BACH1: variants seen among roughly 807,000 people sequenced by gnomAD.
BACH1 encodes the protein transcription regulator protein BACH1.
In BACH1, 35 loss-of-function variants were observed where a neutral mutation model predicts 52.9. That is an observed-to-expected ratio of 0.66 (90% CI 0.51 to 0.88). BACH1 has a LOEUF of 0.88. Among genes scored for constraint, BACH1 ranks in the 40% least tolerant of loss-of-function variants. The pLI, the probability that BACH1 is intolerant of heterozygous loss-of-function variation, is 0.00. For synonymous variants in BACH1, 321 were observed against 319.6 expected, an observed-to-expected ratio of 1.00 and a Z score of -0.05; for missense variants, 808 against 872.6, an observed-to-expected ratio of 0.93 and a Z score of 0.93.
chr21:29,310,942 A>G (rs774336453), intron 1 of BACH1, among the ~76,000 whole-genome samples: 4 of 152,234 alleles, frequency 2.6e-5, no homozygotes, highest in South Asian at 4.1e-4. Flanking sequence ...AGGAGGGTCA[A>G]TAAATTTTAA....
intron 3 of BACH1, among the ~76,000 whole-genome samples, chr21:29,328,441 T>C (rs1207600172): frequency 2.0e-5 from 3 of 152,090 alleles, no homozygotes; most frequent in Non-Finnish European, 2.9e-5. Context: ...TTTTTGCCTT[T>C]CAATAGTTGG....
chr21:29,327,244 A>C lies in BACH1; in HGVS notation c.1420A>C (p.Ser474Arg). The C allele has an allele frequency of 1.2e-6, 2 of 1,614,238 alleles. No homozygotes were observed. Among genetic ancestry groups the C allele is most frequent in the South Asian group, 1.1e-5 (1 of 91,088 alleles). Reference protein sequence around the residue: ...ISTLSTEGCSSNLEIGNDDYV... With the variant: ...ISTLSTEGCSRNLEIGNDDYV... ...TACTCTGAGTACTGAAGGCTGTTCA[A>C]GCAATTTGGAAATTGGAAACGATGA... The change falls in exon 3 of 5, where the codon AGC becomes CGC. Residue 474 changes from serine (S) to arginine (R), a missense_variant. Coordinates refer to ENST00000286800, the MANE Select transcript of BACH1 (RefSeq NM_001186.4).
intron 1 of BACH1, among the ~76,000 whole-genome samples, chr21:29,307,482 A>C (rs1293957797): frequency 6.6e-6 from 1 of 152,090 alleles, no homozygotes; most frequent in African/African-American, 2.4e-5. Flanking sequence ...TAGGATCCCC[A>C]CCCACTGTTT....
chr21:29,336,821 A>G (rs1448563328), intron 4 of BACH1, among the ~76,000 whole-genome samples: 1 of 151,882 alleles, frequency 6.6e-6, no homozygotes, highest in Non-Finnish European at 1.5e-5. Context: ...ACAGGTGCCC[A>G]CCACCACACC....
intron 4 of BACH1, among the ~76,000 whole-genome samples, chr21:29,340,047 C>G (rs1183127492): frequency 6.6e-6 from 1 of 152,144 alleles, no homozygotes; most frequent in East Asian, 1.9e-4. Context: ...GTGATTTATA[C>G]AGTTGTTTTT....
chr21:29,339,479 CTT>C (rs746483462), intron 4 of BACH1, among the ~76,000 whole-genome samples: 6 of 151,638 alleles, frequency 4.0e-5, no homozygotes, highest in Non-Finnish European at 3.0e-5. Flanking sequence ...AGTGAGTACT[CTT>C]TACCCTATCA....
intron 4 of BACH1, among the ~76,000 whole-genome samples, chr21:29,333,075 G>A (rs368193310): frequency 7.2e-5 from 11 of 152,308 alleles, no homozygotes; most frequent in African/African-American, 2.4e-4. Context: ...CAGTTGCAGC[G>A]TGAGGGGTAC....
At chr21:29,317,161 C>A (rs527753741) in intron 1 of BACH1, among the ~76,000 whole-genome samples, 7 of 152,282 alleles carry the variant, frequency 4.6e-5, no homozygotes, top group Middle Eastern at 3.4e-3. Flanking sequence ...GACTCTAATG[C>A]CTGATGGTCT....
At chr21:29,352,386 T>C (rs553978612) in intron 2 of BACH1, among the ~76,000 whole-genome samples, 26 of 152,286 alleles carry the variant, frequency 1.7e-4, no homozygotes, top group African/African-American at 6.3e-4. Flanking sequence ...TTTTGATGCT[T>C]AGCCACAGTA....
chr21:29,342,733 C>T lies in BACH1; in HGVS notation c.2111C>T (p.Ala704Val), dbSNP rs1189034410. 2 of 1,614,080 alleles carry T rather than the reference C, an allele frequency of 1.2e-6. No individual in the cohort carries two copies. Among genetic ancestry groups the T allele is most frequent in the African/African-American group, 2.7e-5 (2 of 74,928 alleles). The change falls in exon 5 of 5, where the codon GCC becomes GTC. Residue 704 changes from alanine to valine, a missense_variant. Physicochemically the swap from Ala to Val is moderately conservative, Grantham distance 64 (BLOSUM62 0). Transcript: ENST00000286800. Reference protein sequence around the residue: ...RGQESQQMSTATSEQAGPAEQ... With the variant: ...RGQESQQMSTVTSEQAGPAEQ... ...CAGGAGTCCCAGCAGATGTCCACAGCCACCTCTGAGCAAGCTGGGCCTGCG... is the reference window on the plus strand; with the variant it reads ...CAGGAGTCCCAGCAGATGTCCACAGTCACCTCTGAGCAAGCTGGGCCTGCG...
downstream of BACH1, among the ~76,000 whole-genome samples, chr21:29,347,826 G>C (rs146876817): frequency 6.6e-6 from 1 of 152,146 alleles, no homozygotes; most frequent in Non-Finnish European, 1.5e-5. Context: ...TCATCGTCCC[G>C]TGTAGCATGT....
At chr21:29,324,172 C>G (rs542397185) in intron 2 of BACH1, among the ~76,000 whole-genome samples, 1 of 146,358 alleles carries the variant, frequency 6.8e-6, no homozygotes, top group African/African-American at 2.6e-5. Flanking sequence ...GAATCACTTG[C>G]AGTGAGCCAA....
intron 2 of BACH1, among the ~76,000 whole-genome samples, chr21:29,324,487 T>TA (rs1230295337): frequency 1.3e-5 from 2 of 152,134 alleles, no homozygotes; most frequent in Non-Finnish European, 2.9e-5. Context: ...GCTGAGATTA[T>TA]CCAGCTTGTG....
rs1406405196 is a variant in BACH1 at position 29,343,756 on chromosome 21, A to G, written c.*923A>G. On this transcript the variant is annotated 3_prime_UTR_variant, in exon 5 of 5. Transcript: ENST00000286800. Reference sequence around the variant, plus strand: ...TGGGTCACCAATGCCAGAAAACCAGACATCACGGGGAAAGAATGTTGCTTA... The same window carrying G: ...TGGGTCACCAATGCCAGAAAACCAGGCATCACGGGGAAAGAATGTTGCTTA... The G allele has an allele frequency of 6.6e-6, 1 of 152,184 alleles. No individual in the cohort carries two copies. Among genetic ancestry groups the G allele is most frequent in the African/African-American group, 2.4e-5 (1 of 41,438 alleles). 9.4% of individuals were successfully genotyped at this position (152,184 alleles called of 1,614,324 possible). A position where few individuals can be genotyped will look rare whatever the true frequency, so the allele number is the denominator to read the frequency against.
intron 1 of BACH1, among the ~76,000 whole-genome samples, chr21:29,313,246 G>T (rs913478263): frequency 1.6e-4 from 25 of 152,138 alleles, no homozygotes; most frequent in African/African-American, 5.8e-4. Flanking sequence ...CACCGCCGAT[G>T]AAACAAAACA....
chr21:29,315,394 C>T (rs922522740), intron 1 of BACH1, among the ~76,000 whole-genome samples: 31 of 152,034 alleles, frequency 2.0e-4, no homozygotes, highest in African/African-American at 7.2e-4. Context: ...CATTGAATAC[C>T]CTGCCCTGAA....
At chr21:29,342,356 C>T in intron 4 of BACH1, 43 bp from the exon 5 acceptor site, 1 of 1,544,574 alleles carries the variant, frequency 6.5e-7, no homozygotes, top group Non-Finnish European at 8.8e-7. Context: ...GTTGATTGAG[C>T]TAATAAACAC....
At chr21:29,355,491 A>G (rs2089228422) in intron 2 of BACH1, among the ~76,000 whole-genome samples, 1 of 152,296 alleles carries the variant, frequency 6.6e-6, no homozygotes, top group Middle Eastern at 3.4e-3. Flanking sequence ...GGACACCCCA[A>G]CTGCTGCTGG....
chr21:29,325,979 A>C, intron 2 of BACH1, 80 bp from the exon 3 acceptor site: 3 of 1,337,986 alleles, frequency 2.2e-6, no homozygotes, highest in Non-Finnish European at 3.0e-6. Flanking sequence ...ATATCTCTCT[A>C]TTCCTCTTCT....
Sources: allele counts gnomAD v4.1 joint callset (sites outside exome capture counted in the v4.1 genomes callset), GRCh38; gene constraint gnomAD v4.1.1; transcripts MANE v1.5; gene names NCBI Gene and HGNC (gene_info 2026-07-23, HGNC 2026-07-21).